The following BTBD7 variants were observed in gnomAD, a reference collection of about 807,000 sequenced individuals.
BTBD7 encodes the protein BTB domain containing 7, also known as BTB/POZ domain-containing protein 7.
BTBD7 carries 38 observed loss-of-function variants against 99.9 expected under a neutral mutation model. The ratio of observed to expected loss-of-function variants is 0.38; its 90% CI spans 0.29 to 0.50. BTBD7 has a LOEUF of 0.50. Ranked by LOEUF, BTBD7 falls within the 20% of genes least tolerant of loss-of-function variation. The probability of loss-of-function intolerance (pLI) is 0.93; values close to 1 mark genes in which losing one functional copy is unlikely to be tolerated. For synonymous variants in BTBD7, 520 were observed against 511.4 expected (o/e 1.02, Z -0.23); for missense variants, 1,170 against 1,394.6 (o/e 0.84, Z 2.57).
intron 1 of BTBD7, among the ~76,000 whole-genome samples, chr14:93,320,601 A>C (rs1304962152): frequency 1.3e-5 from 2 of 151,824 alleles, no homozygotes; most frequent in African/African-American, 2.4e-5. Context: ...CAGCAGAATT[A>C]CAGCTAGAAG....
intron 3 of BTBD7, among the ~76,000 whole-genome samples, chr14:93,275,032 A>G (rs1261548732): frequency 6.6e-6 from 1 of 152,160 alleles, no homozygotes; most frequent in Non-Finnish European, 1.5e-5. Flanking sequence ...AGGCAATCTC[A>G]CCTCTATGTA....
At chr14:93,261,766 G>T in intron 4 of BTBD7, 89 bp from the exon 5 acceptor site, 1 of 888,468 alleles carries the variant, frequency 1.1e-6, no homozygotes, top group East Asian at 2.6e-5. Flanking sequence ...GGAAATAACA[G>T]CATGCAACTT....
intron 3 of BTBD7, among the ~76,000 whole-genome samples, chr14:93,290,434 G>A (rs1411726701): frequency 6.7e-5 from 10 of 149,298 alleles, no homozygotes; most frequent in African/African-American, 2.2e-4. Flanking sequence ...GGATGGTCTC[G>A]ATCTCCTGAC....
intron 1 of BTBD7, among the ~76,000 whole-genome samples, chr14:93,300,214 T>G (rs1328696133): frequency 6.6e-6 from 1 of 151,962 alleles, no homozygotes; most frequent in Non-Finnish European, 1.5e-5. Flanking sequence ...TACGGTTTAT[T>G]AGTTTAGGAA....
chr14:93,312,867 C>T (rs1267581580), intron 1 of BTBD7, among the ~76,000 whole-genome samples: 1 of 152,166 alleles, frequency 6.6e-6, no homozygotes, highest in Non-Finnish European at 1.5e-5. Flanking sequence ...CAATAAAACC[C>T]CACATCTCTT....
intron 3 of BTBD7, chr14:93,287,523 C>T (rs1423995373): frequency 6.6e-6 from 1 of 151,936 alleles, no homozygotes; most frequent in Non-Finnish European, 1.5e-5. Flanking sequence ...TTCATATGTA[C>T]TGTTAAATTT....
intron 1 of BTBD7, among the ~76,000 whole-genome samples, chr14:93,311,927 ATAAT>A (rs1328184254): frequency 8.3e-6 from 1 of 121,072 alleles, no homozygotes; most frequent in Non-Finnish European, 1.7e-5. Flanking sequence ...ACTTTGTTAT[ATAAT>A]TAAACATTTA....
chr14:93,280,957 T>C (rs2052712033), intron 3 of BTBD7, among the ~76,000 whole-genome samples: 1 of 151,938 alleles, frequency 6.6e-6, no homozygotes. Flanking sequence ...CTCAGCCTTC[T>C]GAGTGGCTGG....
intron 1 of BTBD7, among the ~76,000 whole-genome samples, chr14:93,304,558 G>A (rs930916742): frequency 2.0e-5 from 3 of 152,084 alleles, no homozygotes; most frequent in African/African-American, 7.2e-5. Flanking sequence ...CACCATGTTG[G>A]CCAGGCTGGT....
intron 1 of BTBD7, among the ~76,000 whole-genome samples, chr14:93,327,171 A>G (rs1189128603): frequency 6.6e-6 from 1 of 152,234 alleles, no homozygotes; most frequent in African/African-American, 2.4e-5. Context: ...GAAAATTAAA[A>G]ACTGGTAAAA....
At chr14:93,271,744 C>A (rs1316352519) in intron 3 of BTBD7, among the ~76,000 whole-genome samples, 1 of 152,186 alleles carries the variant, frequency 6.6e-6, no homozygotes, top group Admixed American at 6.5e-5. Context: ...ATGGCTCACA[C>A]CGGTAATCCC....
chr14:93,281,166 C>CTT (rs566864647), intron 3 of BTBD7, among the ~76,000 whole-genome samples: 2,190 of 138,060 alleles, frequency 0.016, 70 homozygotes, highest in African/African-American at 0.056. Context: ...ATGCCTGGCT[C>CTT]TTTTTTTTTT....
chr14:93,259,103 T>C (rs1175549721), intron 5 of BTBD7, among the ~76,000 whole-genome samples: 1 of 152,220 alleles, frequency 6.6e-6, no homozygotes, highest in Non-Finnish European at 1.5e-5. Flanking sequence ...CTGTTGCTCA[T>C]AGGGAAAACA....
intron 1 of BTBD7, among the ~76,000 whole-genome samples, chr14:93,317,699 G>C (rs965384660): frequency 1.3e-5 from 2 of 152,166 alleles, no homozygotes; most frequent in Admixed American, 1.3e-4. Flanking sequence ...GCCCTTGGCA[G>C]GTCTCTGGGA....
chr14:93,245,418 G>C (rs982445079), intron 10 of BTBD7, among the ~76,000 whole-genome samples: 3 of 152,164 alleles, frequency 2.0e-5, no homozygotes, highest in Non-Finnish European at 4.4e-5. Context: ...GCTATAAGTA[G>C]CTCTTGCTTC....
intron 1 of BTBD7, among the ~76,000 whole-genome samples, chr14:93,315,539 C>T (rs1432997113): frequency 6.6e-6 from 1 of 152,102 alleles, no homozygotes; most frequent in Non-Finnish European, 1.5e-5. Flanking sequence ...TTTTCATCAC[C>T]CCCTAAAAGA....
chr14:93,242,699 G>A lies in BTBD7; in HGVS notation c.2973C>T (p.Ala991=), dbSNP rs776449583. 5 of 1,614,196 alleles carry A rather than the reference G, an allele frequency of 3.1e-6. No individual in the cohort carries two copies. In the South Asian group the frequency reaches 3.3e-5, roughly 11 times the overall value. The part of the protein sequence containing the change: ...NKASPSGLKS[A]YLPGQTSPKK... ...TAGGAGACGTCTGACCAGGTAGGTA[G>A]GCTGACTTTAAGCCACTTGGTGATG... Residue 991 remains alanine, a synonymous_variant, in exon 11 of 11, where the codon GCC becomes GCT. Coordinates refer to ENST00000334746, the MANE Select transcript of BTBD7 (RefSeq NM_001002860.4).
intron 3 of BTBD7, among the ~76,000 whole-genome samples, chr14:93,268,918 C>T (rs2052572293): frequency 6.6e-6 from 1 of 151,980 alleles, no homozygotes; most frequent in Non-Finnish European, 1.5e-5. Flanking sequence ...ACCATCATGC[C>T]CGGCTAATTT....
intron 1 of BTBD7, among the ~76,000 whole-genome samples, chr14:93,327,928 T>C (rs2053352401): frequency 6.6e-6 from 1 of 152,184 alleles, no homozygotes; most frequent in Admixed American, 6.5e-5. Context: ...TCAGTAAAGT[T>C]GTAGGATACA....
Sources: allele counts gnomAD v4.1 joint callset (sites outside exome capture counted in the v4.1 genomes callset), GRCh38; gene constraint gnomAD v4.1.1; transcripts MANE v1.5; gene names NCBI Gene and HGNC (gene_info 2026-07-23, HGNC 2026-07-21).